The following EVA1C variants were observed in gnomAD, a reference collection of about 807,000 sequenced individuals.
EVA1C encodes the protein eva-1 homolog C, also known as protein eva-1 homolog C.
Under a neutral mutation model 45.4 loss-of-function variants are expected in EVA1C, and 25 were observed. The ratio of observed to expected loss-of-function variants is 0.55; its 90% CI spans 0.40 to 0.77. The LOEUF is 0.77. EVA1C is among the 30% of genes least tolerant of loss of function. The pLI, the probability that EVA1C is intolerant of heterozygous loss-of-function variation, is 0.00. For synonymous variants in EVA1C, 190 were observed against 221.2 expected (o/e 0.86, Z 1.25); for missense variants, 479 against 554.8 (o/e 0.86, Z 1.37).
At chr21:32,485,591 C>T (rs551093861) in intron 4 of EVA1C, among the ~76,000 whole-genome samples, 4 of 152,314 alleles carry the variant, frequency 2.6e-5, no homozygotes, top group Non-Finnish European at 2.9e-5. Flanking sequence ...CTCAAGCAGA[C>T]TCAGAATCTA....
intron 4 of EVA1C, among the ~76,000 whole-genome samples, chr21:32,494,736 C>G (rs944325203): frequency 6.6e-6 from 1 of 150,382 alleles, no homozygotes; most frequent in Non-Finnish European, 1.5e-5. Context: ...TGACTGAGAT[C>G]GTGCCATTGC....
intron 5 of EVA1C, among the ~76,000 whole-genome samples, chr21:32,496,579 C>A (rs2146413754): frequency 6.6e-6 from 1 of 152,130 alleles, no homozygotes; most frequent in East Asian, 1.9e-4. Context: ...GGCTGAGGTT[C>A]CCCCAGAGGC....
At chr21:32,420,585 G>T (rs1244736798) in intron 1 of EVA1C, among the ~76,000 whole-genome samples, 1 of 151,996 alleles carries the variant, frequency 6.6e-6, no homozygotes, top group Non-Finnish European at 1.5e-5. Flanking sequence ...GTAGAGACAG[G>T]GTCTCACTAT....
chr21:32,501,983 CTTTTCTTT>C (rs2037545858), intron 6 of EVA1C, among the ~76,000 whole-genome samples: 2 of 139,006 alleles, frequency 1.4e-5, no homozygotes, highest in South Asian at 2.6e-4. Context: ...CTCTCTCGCT[CTTTTCTTT>C]CTTTCTTTCT....
At chr21:32,449,018 A>G (rs1437283318) in intron 1 of EVA1C, among the ~76,000 whole-genome samples, 1 of 151,790 alleles carries the variant, frequency 6.6e-6, no homozygotes, top group East Asian at 1.9e-4. Context: ...GTGGGAAGGA[A>G]GGAAGGAAGG....
At chr21:32,509,808 G>A (rs564607063) in intron 7 of EVA1C, among the ~76,000 whole-genome samples, 3 of 151,616 alleles carry the variant, frequency 2.0e-5, no homozygotes, top group African/African-American at 7.3e-5. Context: ...TGGATGAAGA[G>A]GGAGGAAAGA....
chr21:32,481,076 T>G (rs560457459), intron 4 of EVA1C, among the ~76,000 whole-genome samples: 3 of 152,348 alleles, frequency 2.0e-5, no homozygotes, highest in African/African-American at 4.8e-5. Flanking sequence ...GTTAATAGCT[T>G]TTTTTCTTGA....
intron 7 of EVA1C, among the ~76,000 whole-genome samples, chr21:32,508,573 G>A (rs2037848940): frequency 6.6e-6 from 1 of 152,212 alleles, no homozygotes; most frequent in Non-Finnish European, 1.5e-5. Context: ...ATATGGATTC[G>A]GATGTGTTCC....
At chr21:32,471,741 G>C (rs777163902) in intron 4 of EVA1C, among the ~76,000 whole-genome samples, 8 of 151,552 alleles carry the variant, frequency 5.3e-5, no homozygotes, top group African/African-American at 1.7e-4. Flanking sequence ...CCATTCTCCT[G>C]CCTCAGCCTC....
chr21:32,478,130 C>T (rs2036650261), intron 4 of EVA1C, among the ~76,000 whole-genome samples: 1 of 150,802 alleles, frequency 6.6e-6, no homozygotes, highest in Non-Finnish European at 1.5e-5. Flanking sequence ...ATGTCCTCCC[C>T]AAATTCATAT....
chr21:32,475,931 A>ATC (rs1343358683), intron 4 of EVA1C, among the ~76,000 whole-genome samples: 221 of 130,240 alleles, frequency 1.7e-3, no homozygotes, highest in East Asian at 0.016. Flanking sequence ...ATCTATCTAT[A>ATC]TAAACAGGAA....
chr21:32,453,431 T>A lies in EVA1C; in HGVS notation c.280T>A (p.Tyr94Asn). 6.2e-7 allele frequency: 1 copy of A among 1,611,818 alleles called. No individual in the cohort carries two copies. The highest frequency in any genetic ancestry group is 8.5e-7 in the Non-Finnish European group (1 of 1,179,688). Residue 94 changes from tyrosine to asparagine, a missense_variant, in exon 2 of 8, where the codon TAC becomes AAC. Coordinates refer to ENST00000300255, the MANE Select transcript of EVA1C (RefSeq NM_058187.5). ...CCAATCGGCATTTTATGGGCAAGATTACCAAATGTGTAGTTCCCAGAAGCC... is the reference window on the plus strand; with the variant it reads ...CCAATCGGCATTTTATGGGCAAGATAACCAAATGTGTAGTTCCCAGAAGCC... ...SVQSAFYGQDYQMCSSQKPAS... is the reference protein window; with the variant it reads ...SVQSAFYGQDNQMCSSQKPAS...
intron 1 of EVA1C, among the ~76,000 whole-genome samples, chr21:32,447,363 C>T (rs58035510): frequency 0.031 from 4,681 of 151,854 alleles, 181 homozygotes; most frequent in African/African-American, 0.092. Context: ...AGGGAGACTC[C>T]GTCTCGGTGG....
chr21:32,445,383 A>G (rs377298578), intron 1 of EVA1C, among the ~76,000 whole-genome samples: 1 of 152,206 alleles, frequency 6.6e-6, no homozygotes, highest in East Asian at 1.9e-4. Flanking sequence ...AATATTTTCA[A>G]GTAAAGATCT....
At chr21:32,497,129 C>A (rs1320792219) in intron 5 of EVA1C, 3 of 822,064 alleles carry the variant, frequency 3.6e-6, no homozygotes, top group African/African-American at 3.3e-5. Context: ...AGCTCCAGAT[C>A]ATGAAATCAA....
chr21:32,504,190 T>TGTA (rs1286498982), intron 7 of EVA1C, among the ~76,000 whole-genome samples, 175 bp downstream of exon 7: 6 of 152,226 alleles, frequency 3.9e-5, no homozygotes, highest in Non-Finnish European at 7.3e-5. Flanking sequence ...CAGGCACAGT[T>TGTA]GTAACCAGGC....
At chr21:32,440,322 G>T (rs960146153) in intron 1 of EVA1C, among the ~76,000 whole-genome samples, 25 of 152,176 alleles carry the variant, frequency 1.6e-4, no homozygotes, top group Non-Finnish European at 2.6e-4. Flanking sequence ...CCGAAGAAAA[G>T]AAAAGAAAAT....
chr21:32,428,041 G>A (rs1342818074), intron 1 of EVA1C, among the ~76,000 whole-genome samples: 1 of 151,978 alleles, frequency 6.6e-6, no homozygotes, highest in African/African-American at 2.4e-5. Flanking sequence ...TAAAGATTGT[G>A]TACTATATAT....
rs539626212 is a variant in EVA1C at position 32,453,365 on chromosome 21, T to A, written c.214T>A (p.Tyr72Asn). Residue 72 changes from tyrosine (Y) to asparagine (N), a missense_variant, in exon 2 of 8, where the codon TAT (tyrosine) becomes AAT (asparagine). Tyr to Asn is a moderately radical substitution (Grantham distance 143). Around this residue, in one of 3 missense-constraint regions of EVA1C, gnomAD observed 33 missense variants for 64.9 expected, o/e 0.51. Coordinates refer to ENST00000300255, the MANE Select transcript of EVA1C (RefSeq NM_058187.5). ...NHTTYACDGDYLNLQCPRHST... is the reference protein window; with the variant it reads ...NHTTYACDGDNLNLQCPRHST... ...CACCACCTATGCCTGTGATGGGGAC[T>A]ATTTGAATCTACAGTGCCCTCGGCA... 117 of 1,611,094 alleles carry A rather than the reference T, an allele frequency of 7.3e-5. 1 individual carries two copies. The East Asian group carries it at 2.1e-3, about 29-fold the overall frequency.
Sources: gnomAD v4.1 joint callset for allele counts (sites outside exome capture counted in the v4.1 genomes callset) on GRCh38, gnomAD v4.1.1 for gene constraint, gnomAD v4.1.1 regional missense constraint, MANE v1.5 for transcripts, NCBI Gene and HGNC (gene_info 2026-07-23, HGNC 2026-07-21) for gene names.